Variants in THSD4 observed in about 807,000 individuals in gnomAD.
The protein encoded by THSD4 is thrombospondin type-1 domain-containing protein 4.
In THSD4, 69 loss-of-function variants were observed where a neutral mutation model predicts 119.0. That is an observed-to-expected ratio of 0.58 (90% CI 0.48 to 0.71). THSD4 has a LOEUF of 0.71. Ranked by LOEUF, THSD4 falls within the 30% of genes least tolerant of loss-of-function variation. The probability of loss-of-function intolerance (pLI) is 0.00; values close to 1 mark genes in which losing one functional copy is unlikely to be tolerated. For missense variants in THSD4, 1,393 were observed against 1,391.1 expected (o/e 1.00, Z -0.02); for synonymous variants, 524 against 540.4 (o/e 0.97, Z 0.42).
chr15:71,648,332 C>G (rs1176371642), intron 7 of THSD4, among the ~76,000 whole-genome samples: 1 of 152,186 alleles, frequency 6.6e-6, no homozygotes, highest in African/African-American at 2.4e-5. Flanking sequence ...CTTGAATGCC[C>G]TGATTGCATC....
At chr15:71,224,857 C>A (rs1382156848) in intron 4 of THSD4, among the ~76,000 whole-genome samples, 1 of 152,158 alleles carries the variant, frequency 6.6e-6, no homozygotes, top group Non-Finnish European at 1.5e-5. Flanking sequence ...CTGGACCCAC[C>A]CAGGTAATCC....
chr15:71,471,269 C>G (rs2047575279), intron 7 of THSD4, among the ~76,000 whole-genome samples: 2 of 152,120 alleles, frequency 1.3e-5, no homozygotes, highest in South Asian at 4.2e-4. Context: ...CAGAATTAAT[C>G]ACTAGGGCAA....
intron 7 of THSD4, among the ~76,000 whole-genome samples, chr15:71,641,857 A>G (rs1223645098): frequency 6.6e-6 from 1 of 152,242 alleles, no homozygotes; most frequent in Non-Finnish European, 1.5e-5. Context: ...ATACCACAGT[A>G]AAGTTATTCC....
chr15:71,637,891 A>G (rs1270482913), intron 7 of THSD4, among the ~76,000 whole-genome samples: 2 of 151,892 alleles, frequency 1.3e-5, no homozygotes, highest in Admixed American at 1.3e-4. Context: ...ACACCTGGCT[A>G]AGTTTTTGTA....
At chr15:71,199,690 G>GAT (rs1567154777) in intron 3 of THSD4, among the ~76,000 whole-genome samples, 1 of 59,034 alleles carries the variant, frequency 1.7e-5, no homozygotes, top group African/African-American at 4.2e-5. Flanking sequence ...GTGTGTGTGT[G>GAT]GTGTGTGTGG....
chr15:71,116,117 C>T (rs1048327458), intron 1 of THSD4, among the ~76,000 whole-genome samples: 9 of 152,212 alleles, frequency 5.9e-5, no homozygotes, highest in Non-Finnish European at 1.3e-4. Flanking sequence ...GCCTCGCCTC[C>T]CTCCCGCCTG....
At chr15:71,535,973 T>A (rs1306833019) in intron 7 of THSD4, among the ~76,000 whole-genome samples, 2 of 152,184 alleles carry the variant, frequency 1.3e-5, no homozygotes, top group African/African-American at 4.8e-5. Context: ...CACTTGTGCT[T>A]TTGGTGTTAC....
At chr15:71,453,581 A>G (rs1461300555) in intron 7 of THSD4, among the ~76,000 whole-genome samples, 2 of 152,220 alleles carry the variant, frequency 1.3e-5, no homozygotes, top group African/African-American at 4.8e-5. Flanking sequence ...GGCGACTTAG[A>G]TTTTGACATT....
At chr15:71,322,002 C>T (rs2045275660) in intron 6 of THSD4, among the ~76,000 whole-genome samples, 1 of 150,786 alleles carries the variant, frequency 6.6e-6, no homozygotes, top group South Asian at 2.1e-4. Flanking sequence ...AAATGTAGAA[C>T]TGAGTAAAAT....
At chr15:71,452,870 C>A (rs2140587393) in intron 7 of THSD4, among the ~76,000 whole-genome samples, 1 of 152,304 alleles carries the variant, frequency 6.6e-6, no homozygotes, top group African/African-American at 2.4e-5. Flanking sequence ...CTGCCTTGGC[C>A]TCCCAAAGTC....
intron 7 of THSD4, among the ~76,000 whole-genome samples, chr15:71,638,831 A>G (rs2050800499): frequency 6.6e-6 from 1 of 152,218 alleles, no homozygotes. Context: ...TAATGACAAA[A>G]TATCAGTGGC....
In THSD4 at chr15:71,242,916, G is replaced by A. The variant is rs771314958; in HGVS notation, c.732G>A (p.Gln244=). 5.6e-6 allele frequency: 9 copies of A among 1,614,014 alleles called. No individual in the cohort carries two copies. The highest frequency in any genetic ancestry group is 5.9e-6 in the Non-Finnish European group (7 of 1,180,034). Residue 244 remains glutamine, a synonymous_variant, in exon 5 of 18, where the codon CAG becomes CAA. Coordinates refer to ENST00000261862, the MANE Select transcript of THSD4 (RefSeq NM_024817.3). ...AGGCTGCGGAGGCCCCCATCTACCA[G>A]CTACCTTTGACCCATGATCAAGGCT... ...GLQAAEAPIY[Q]LPLTHDQGYP... is the part of the protein sequence containing the mutation.
intron 6 of THSD4, among the ~76,000 whole-genome samples, chr15:71,405,299 C>T (rs1196907128): frequency 1.3e-5 from 2 of 152,172 alleles, no homozygotes; most frequent in Non-Finnish European, 2.9e-5. Context: ...TGTAGGTTTT[C>T]ATTTCTTGTG....
At position 71,457,144 on chromosome 15, in the gene THSD4, G is replaced by A. The variant is rs183832157; in HGVS notation, c.1152+45321G>A. On this transcript the variant is annotated intron_variant, in intron 7 of 17. Transcript: ENST00000261862. The stretch of plus-strand genomic sequence containing the variant: ...ACCTGCAATCCCAGCAATTTGGGAG[G>A]CTGAGGCAGGCAGATCGCTCTGAGC... 1.1e-4 allele frequency among the ~76,000 whole-genome samples: 16 copies of A among 152,274 alleles called. No homozygotes were observed. In the East Asian group the frequency reaches 2.9e-3, roughly 28 times the overall value.
At chr15:71,162,627 C>T (rs1490788890) in intron 3 of THSD4, among the ~76,000 whole-genome samples, 1 of 151,986 alleles carries the variant, frequency 6.6e-6, no homozygotes, top group Non-Finnish European at 1.5e-5. Context: ...GGGGTTGTAT[C>T]TCACTGAAGA....
At chr15:71,299,002 G>T (rs1337096500) in intron 6 of THSD4, among the ~76,000 whole-genome samples, 1 of 152,144 alleles carries the variant, frequency 6.6e-6, no homozygotes, top group Non-Finnish European at 1.5e-5. Flanking sequence ...CACCTGCCTG[G>T]TGATCTCAGG....
At chr15:71,738,268 C>T (rs559955545) in intron 11 of THSD4, 73 of 431,006 alleles carry the variant, frequency 1.7e-4, no homozygotes, top group African/African-American at 1.4e-3. Flanking sequence ...AGGGTTCACG[C>T]TCCTATGAGA....
rs2050316173 is a variant in THSD4, at chr15:71,616,180, A to G, written c.1153-44350A>G. The stretch of plus-strand genomic sequence containing the variant: ...TTCCTTAAAAAAAAATCTGTTGAAC[A>G]GACAGACTTGAATAGCTGATCTTAA... On this transcript the variant is annotated intron_variant, in intron 7 of 17. Coordinates refer to ENST00000261862, the MANE Select transcript of THSD4 (RefSeq NM_024817.3). 2.0e-5 allele frequency among the ~76,000 whole-genome samples: 3 copies of G among 152,246 alleles called. No homozygotes were observed. The South Asian group carries it at 6.2e-4, about 31-fold the overall frequency.
chr15:71,688,832 A>G (rs2051979673), intron 8 of THSD4, among the ~76,000 whole-genome samples: 1 of 151,600 alleles, frequency 6.6e-6, no homozygotes, highest in Non-Finnish European at 1.5e-5. Flanking sequence ...TCTTGGAATA[A>G]TCACCCCCTG....
Sources: gnomAD v4.1 joint callset for allele counts (sites outside exome capture counted in the v4.1 genomes callset) on GRCh38, gnomAD v4.1.1 for gene constraint, MANE v1.5 for transcripts, NCBI Gene and HGNC (gene_info 2026-07-23, HGNC 2026-07-21) for gene names.